The following LPP variants were observed in gnomAD, a reference collection of about 807,000 sequenced individuals.
LPP encodes lipoma-preferred partner.
A neutral mutation model predicts 60.4 loss-of-function variants in LPP; 38 were observed. That is an observed-to-expected ratio of 0.63 (90% CI 0.49 to 0.83). The LOEUF is 0.83. LPP is among the 40% of genes least tolerant of loss of function. The pLI, the probability that LPP is intolerant of heterozygous loss-of-function variation, is 0.00. For missense variants in LPP, 902 were observed against 783.6 expected (o/e 1.15, Z -1.80); for synonymous variants, 328 against 290.8 (o/e 1.13, Z -1.30).
intron 2 of LPP, among the ~76,000 whole-genome samples, chr3:188,325,506 A>AT: frequency 6.6e-6 from 1 of 151,922 alleles, no homozygotes; most frequent in East Asian, 1.9e-4. Flanking sequence ...CCTCCCCATC[A>AT]TTCTTCTGTC....
At chr3:188,298,966 T>TACTCTTG (rs1577941195) in intron 2 of LPP, among the ~76,000 whole-genome samples, 1 of 152,246 alleles carries the variant, frequency 6.6e-6, no homozygotes, top group East Asian at 1.9e-4. Context: ...ACCTAGCTTC[T>TACTCTTG]ACTCTTGCCC....
chr3:188,275,410 A>G (rs1739289322), intron 2 of LPP, among the ~76,000 whole-genome samples: 1 of 152,166 alleles, frequency 6.6e-6, no homozygotes, highest in African/African-American at 2.4e-5. Flanking sequence ...CCCAGCCTGG[A>G]GTACAGTGGT....
chr3:188,805,228 C>G (rs1450541957), intron 9 of LPP, among the ~76,000 whole-genome samples: 4 of 151,908 alleles, frequency 2.6e-5, no homozygotes, highest in Admixed American at 2.0e-4. Flanking sequence ...TTGATGAGTT[C>G]CTTCCTCTCT....
intron 3 of LPP, among the ~76,000 whole-genome samples, chr3:188,377,631 C>T (rs138081552): frequency 0.011 from 1,691 of 152,216 alleles, 25 homozygotes; most frequent in African/African-American, 0.037. Context: ...AAGCTTTTAA[C>T]TTCTTTGCCA....
At chr3:188,417,813 C>A (rs944831147) in intron 4 of LPP, among the ~76,000 whole-genome samples, 1 of 152,168 alleles carries the variant, frequency 6.6e-6, no homozygotes, top group Non-Finnish European at 1.5e-5. Context: ...AAGCAAAAGG[C>A]AATTCTCTTT....
intron 9 of LPP, among the ~76,000 whole-genome samples, chr3:188,813,749 T>G (rs1262593041): frequency 6.6e-6 from 1 of 152,078 alleles, no homozygotes; most frequent in Non-Finnish European, 1.5e-5. Flanking sequence ...TAAAAGGAAG[T>G]TTTTATTCTG....
chr3:188,726,935 A>G (rs1718633444), intron 8 of LPP, among the ~76,000 whole-genome samples: 1 of 152,216 alleles, frequency 6.6e-6, no homozygotes, highest in South Asian at 2.1e-4. Context: ...AATGCTGTGT[A>G]GTTTGAATTA....
intron 8 of LPP, chr3:188,708,644 T>A (rs77032884): frequency 1.1e-5 from 6 of 560,400 alleles, no homozygotes. Context: ...ATTTTATTGT[T>A]GAGACTTATT....
At chr3:188,269,647 G>GTA (rs1399482058) in intron 2 of LPP, among the ~76,000 whole-genome samples, 1 of 88,236 alleles carries the variant, frequency 1.1e-5, no homozygotes, top group Non-Finnish European at 2.3e-5. Flanking sequence ...TTTTTTTTAT[G>GTA]TGTGTGTGTG....
chr3:188,876,125 ATTTCTAGTTTTT>A lies in LPP; in HGVS notation c.*1659_*1670del, dbSNP rs1449283663. The stretch of plus-strand genomic sequence containing the variant: ...TTCATTATTGTGAAGTGATGTTCAG[ATTTCTAGTTTTT>A]TTTCTAGTTTTTAATTTTAACATCA... On this transcript the variant is annotated 3_prime_UTR_variant, in exon 12 of 12. Coordinates refer to ENST00000617246, the MANE Select transcript of LPP (RefSeq NM_001375462.1). The A allele has an allele frequency of 5.3e-4, 100 of 189,772 alleles. No individual in the cohort carries two copies. The highest frequency in any genetic ancestry group is 2.3e-3 in the African/African-American group (98 of 43,038). The allele number at this position is 189,772 out of a possible 1,614,324, so 11.8% of individuals were successfully genotyped here.
At chr3:188,472,263 G>GT (rs1802034737) in intron 4 of LPP, among the ~76,000 whole-genome samples, 1 of 152,030 alleles carries the variant, frequency 6.6e-6, no homozygotes. Context: ...GATTAAAACT[G>GT]TTTAAGACTT....
chr3:188,279,185 A>G (rs903659445), intron 2 of LPP, among the ~76,000 whole-genome samples: 1 of 152,322 alleles, frequency 6.6e-6, no homozygotes, highest in Non-Finnish European at 1.5e-5. Context: ...CAGCCATGGA[A>G]TGACTGCAGC....
chr3:188,244,020 G>A (rs960012805), intron 2 of LPP, among the ~76,000 whole-genome samples: 17 of 152,108 alleles, frequency 1.1e-4, no homozygotes, highest in African/African-American at 3.4e-4. Context: ...ACAGGTGCCC[G>A]TCACCACGCC....
At chr3:188,579,420 A>G (rs996116655) in intron 6 of LPP, among the ~76,000 whole-genome samples, 1 of 152,222 alleles carries the variant, frequency 6.6e-6, no homozygotes, top group Non-Finnish European at 1.5e-5. Context: ...CATGTGAACA[A>G]TAAGGGTGTC....
intron 3 of LPP, among the ~76,000 whole-genome samples, chr3:188,355,296 C>A (rs549124938): frequency 6.6e-6 from 1 of 152,122 alleles, no homozygotes; most frequent in African/African-American, 2.4e-5. Context: ...CGTGAGCCAC[C>A]GCGCCTGGCT....
At position 188,182,047 on chromosome 3, in the gene LPP, T is replaced by A. The variant is rs1410547729; in HGVS notation, c.-190+27795T>A. On this transcript the variant is annotated intron_variant, in intron 1 of 11. Transcript: ENST00000617246. The surrounding 1 kb of genome is among the most constrained non-coding windows in gnomAD (Gnocchi z 4.4). ...TCTCTGATATAGAATTTAAGGCACATTTTATTGCGAGTATTTGCTGAGATG... is the reference window on the plus strand; with the variant it reads ...TCTCTGATATAGAATTTAAGGCACAATTTATTGCGAGTATTTGCTGAGATG... 6.6e-6 allele frequency among the ~76,000 whole-genome samples: 1 copy of A among 152,232 alleles called. No homozygotes were observed. The highest frequency in any genetic ancestry group is 2.4e-5 in the African/African-American group (1 of 41,462).
chr3:188,754,306 A>T (rs1407792543), intron 8 of LPP, among the ~76,000 whole-genome samples: 1 of 152,312 alleles, frequency 6.6e-6, no homozygotes, highest in Middle Eastern at 3.4e-3. Flanking sequence ...TTTTCAATGG[A>T]TGGAAAGCCA....
rs963208410 is a variant in LPP, at chr3:188,360,204, C to T, written c.-10+18485C>T. Among the ~76,000 whole-genome samples the T allele has an allele frequency of 7.2e-5, 11 of 152,252 alleles. 1 individual carries two copies. Among genetic ancestry groups the T allele is most frequent in the East Asian group, 5.8e-4 (3 of 5,174 alleles). On this transcript the variant is annotated intron_variant, in intron 3 of 11. Coordinates refer to ENST00000617246, the MANE Select transcript of LPP (RefSeq NM_001375462.1). ...AACGCTTTTCAAACCCGGCCTGCAT[C>T]GGAATTAGGAATCCCACCCTCAGAA...
intron 2 of LPP, among the ~76,000 whole-genome samples, chr3:188,264,661 G>A (rs1211289192): frequency 2.0e-5 from 3 of 152,064 alleles, no homozygotes; most frequent in Non-Finnish European, 4.4e-5. Context: ...AGAAAGTTCA[G>A]AGGGTGAGGG....
Sources: gnomAD v4.1 joint callset for allele counts (sites outside exome capture counted in the v4.1 genomes callset) on GRCh38, gnomAD v4.1.1 for gene constraint, Gnocchi (gnomAD v3.1) non-coding constraint, MANE v1.5 for transcripts, NCBI Gene and HGNC (gene_info 2026-07-23, HGNC 2026-07-21) for gene names.